DHX33: variants seen among roughly 807,000 people sequenced by gnomAD.
The protein encoded by DHX33 is ATP-dependent RNA helicase DHX33.
DHX33 carries 42 observed loss-of-function variants against 72.5 expected under a neutral mutation model. That is an observed-to-expected ratio of 0.58 (90% CI 0.45 to 0.75). DHX33 has a LOEUF of 0.75. DHX33 is among the 30% of genes least tolerant of loss of function. The pLI, the probability that DHX33 is intolerant of heterozygous loss-of-function variation, is 0.00. For missense variants in DHX33, 842 were observed against 917.5 expected, an observed-to-expected ratio of 0.92 and a Z score of 1.06; for synonymous variants, 358 against 366.1, an observed-to-expected ratio of 0.98 and a Z score of 0.25.
chr17:5,453,943 C>T lies in DHX33; in HGVS notation c.1185G>A (p.Ser395=), dbSNP rs140603023. Residue 395 remains serine (S), a synonymous_variant, in exon 7 of 12, where the codon TCG becomes TCA. Coordinates refer to ENST00000225296, the MANE Select transcript of DHX33 (RefSeq NM_020162.4). The stretch of plus-strand genomic sequence containing the variant: ...CTGTGCGCTGCCAAGCCTGCGTCTT[C>T]GATACCCGCTGCACTGCTAACACCT... ...GLEVLAVQRV[S]KTQAWQRTGR... is the part of the protein sequence containing the mutation. 449 of 1,614,096 alleles carry T rather than the reference C, an allele frequency of 2.8e-4. 3 individuals are homozygous for T. In the African/African-American group the frequency reaches 3.8e-3, roughly 14 times the overall value.
At position 5,443,036 on chromosome 17, in the gene DHX33, A is replaced by G. The variant is rs1342314731; in HGVS notation, c.*1169T>C. 6.6e-6 allele frequency: 1 copy of G among 151,922 alleles called. No homozygotes were observed. The highest frequency in any genetic ancestry group is 6.5e-5 in the Admixed American group (1 of 15,268). 9.4% of individuals were successfully genotyped at this position (151,922 alleles called of 1,614,324 possible). A position where few individuals can be genotyped will look rare whatever the true frequency, so the allele number is the denominator to read the frequency against. ...AAGGAAAAAATATCATAGAAAATTA[A>G]TAAGATGCAAGAATAAGTGTTACAG... On this transcript the variant is annotated 3_prime_UTR_variant, in exon 12 of 12. Transcript: ENST00000225296.
At chr17:5,460,899 T>A in intron 4 of DHX33, 40 bp downstream of exon 4, 3 of 1,584,620 alleles carry the variant, frequency 1.9e-6, no homozygotes, top group Non-Finnish European at 2.6e-6. Context: ...AACTGCAAGA[T>A]AAAAGAGAAC....
chr17:5,465,762 C>T (rs1904854243), intron 1 of DHX33, among the ~76,000 whole-genome samples: 1 of 152,152 alleles, frequency 6.6e-6, no homozygotes, highest in Non-Finnish European at 1.5e-5. Flanking sequence ...CTTGTTTTTG[C>T]AGCCTGTCTC....
At position 5,450,198 on chromosome 17, in the gene DHX33, C is replaced by A. The variant is rs775009395; in HGVS notation, c.1728+5G>T. 1.9e-6 allele frequency: 3 copies of A among 1,613,976 alleles called. No individual in the cohort carries two copies. In the African/African-American group the frequency reaches 4.0e-5, roughly 22 times the overall value. ...GCTGGAGAACAGGTGCAAGACAAGG[C>A]TCACCTTATTTCCGCCTAGGTTTTT... On this transcript the variant is annotated splice_donor_5th_base_variant and intron_variant, in intron 10 of 11. Coordinates refer to ENST00000225296, the MANE Select transcript of DHX33 (RefSeq NM_020162.4).
At chr17:5,456,674 AG>A (rs1463525474) in intron 4 of DHX33, among the ~76,000 whole-genome samples, 2 of 152,250 alleles carry the variant, frequency 1.3e-5, no homozygotes, top group African/African-American at 4.8e-5. Context: ...GGAAATCATC[AG>A]ATTGATTTTT....
Position 5,457,653 on chromosome 17 carries a change from A to T in DHX33, c.850-1471T>A, listed in dbSNP as rs140609478. Among the ~76,000 whole-genome samples, 370 of 151,818 alleles carry T rather than the reference A, an allele frequency of 2.4e-3. 2 individuals carry two copies. The highest frequency in any genetic ancestry group is 3.5e-3 in the South Asian group (17 of 4,824). ...CTAATGGCAAAATAAATAGAAAAAAATTTTAATAATTATATGTATATTTAT... is the reference window on the plus strand; with the variant it reads ...CTAATGGCAAAATAAATAGAAAAAATTTTTAATAATTATATGTATATTTAT... On this transcript the variant is annotated intron_variant, in intron 4 of 11. Transcript: ENST00000225296.
intron 11 of DHX33, among the ~76,000 whole-genome samples, chr17:5,445,572 C>G (rs967537928): frequency 1.3e-5 from 2 of 152,224 alleles, no homozygotes; most frequent in African/African-American, 4.8e-5. Context: ...GGGCATGTAA[C>G]CTACGCCCCT....
Position 5,461,114 on chromosome 17 carries a change from A to T in DHX33, c.679-5T>A. 1 of 1,600,252 alleles carries T rather than the reference A, an allele frequency of 6.2e-7. No homozygotes were observed. Among genetic ancestry groups the T allele is most frequent in the South Asian group, 1.1e-5 (1 of 90,378 alleles). ...CGTAGCTGACATCACAATCACCTGC[A>T]TAAGAGAACGAAGAGGAGGACCAGA... On this transcript the variant is annotated splice_region_variant and splice_polypyrimidine_tract_variant and intron_variant, in intron 3 of 11. Transcript: ENST00000225296.
chr17:5,461,393 G>A (rs1418952062), intron 3 of DHX33: 3 of 189,654 alleles, frequency 1.6e-5, no homozygotes, highest in Non-Finnish European at 3.2e-5. Context: ...GCCGAGGCAG[G>A]CGGATCACGA....
chr17:5,450,207 T>C lies in DHX33; in HGVS notation c.1724A>G (p.Asn575Ser), dbSNP rs762372737. 10 of 1,614,198 alleles carry C rather than the reference T, an allele frequency of 6.2e-6. No homozygotes were observed. The African/African-American group carries it at 1.2e-4, about 19-fold the overall frequency. Residue 575 changes from asparagine to serine, a missense_variant, in exon 10 of 12, where the codon AAT (asparagine) becomes AGT (serine). Coordinates refer to ENST00000225296, the MANE Select transcript of DHX33 (RefSeq NM_020162.4). ...IYRTFKNLGG[N>S]KDWCKENFVN... ...CAGGTGCAAGACAAGGCTCACCTTA[T>C]TTCCGCCTAGGTTTTTGAAGGTCCG... is the stretch of plus-strand genomic sequence containing the variant.
rs559730709 is a variant in DHX33, at chr17:5,444,711, C to T, written c.1816-198G>A. Reference sequence around the variant, plus strand: ...GGAAGAAGGCCCAGCTGGAGGAGCACGGACCAGAAACAGGGAAACTACCGC... The same window carrying T: ...GGAAGAAGGCCCAGCTGGAGGAGCATGGACCAGAAACAGGGAAACTACCGC... On this transcript the variant is annotated intron_variant, in intron 11 of 11. Coordinates refer to ENST00000225296, the MANE Select transcript of DHX33 (RefSeq NM_020162.4). The surrounding 1 kb of genome is among the most constrained non-coding windows in gnomAD (Gnocchi z 4.9). Among the ~76,000 whole-genome samples the T allele has an allele frequency of 3.0e-4, 45 of 152,214 alleles. No individual in the cohort carries two copies. The highest frequency in any genetic ancestry group is 9.6e-4 in the African/African-American group (40 of 41,518).
intron 6 of DHX33, among the ~76,000 whole-genome samples, chr17:5,454,637 T>A (rs1347674324): frequency 6.6e-6 from 1 of 152,136 alleles, no homozygotes; most frequent in Non-Finnish European, 1.5e-5. Context: ...TTGGGAGCAA[T>A]AATTTCAGTG....
intron 6 of DHX33, 64 bp from the exon 7 acceptor site, chr17:5,454,044 T>C: frequency 6.4e-7 from 1 of 1,567,374 alleles, no homozygotes; most frequent in Non-Finnish European, 8.6e-7. Context: ...ACAGTGTCGA[T>C]AAAAAGAAGC....
rs964874650 is a variant in DHX33, at chr17:5,444,653, C to T, written c.1816-140G>A. The T allele has an allele frequency of 5.9e-5, 53 of 903,380 alleles. No homozygotes were observed. Among genetic ancestry groups the T allele is most frequent in the Non-Finnish European group, 6.8e-5 (41 of 606,478 alleles). 56.0% of individuals were successfully genotyped at this position (903,380 alleles called of 1,614,324 possible). ...GCCTAACGATGTGGATTCTGACATT[C>T]GGAGGTGGTCACCAAGGATCAGCAA... On this transcript the variant is annotated intron_variant, in intron 11 of 11. Coordinates refer to ENST00000225296, the MANE Select transcript of DHX33 (RefSeq NM_020162.4). The surrounding 1 kb of genome is among the most constrained non-coding windows in gnomAD (Gnocchi z 4.9).
chr17:5,454,059 CAGTGG>C, intron 6 of DHX33, 79 bp from the exon 7 acceptor site: 1 of 1,510,582 alleles, frequency 6.6e-7, no homozygotes, highest in Non-Finnish European at 9.0e-7. Flanking sequence ...AGAAGCACAC[CAGTGG>C]TTCTTTCAGC....
Position 5,462,385 on chromosome 17 carries a change from A to G in DHX33, c.612T>C (p.Asp204=). 2 of 1,614,232 alleles carry G rather than the reference A, an allele frequency of 1.2e-6. No homozygotes were observed. Among genetic ancestry groups the G allele is most frequent in the Non-Finnish European group, 8.5e-7 (1 of 1,180,034 alleles). Residue 204 remains aspartate (D), a synonymous_variant, in exon 3 of 12, where the codon GAT becomes GAC. Coordinates refer to ENST00000225296, the MANE Select transcript of DHX33 (RefSeq NM_020162.4). ...CAGCTTTCACCACTCCAAAGAGCACATCTGTGTGGATAGTCCGTTCGTGAG... is the reference window on the plus strand; with the variant it reads ...CAGCTTTCACCACTCCAAAGAGCACGTCTGTGTGGATAGTCCGTTCGTGAG... The part of the protein sequence containing the change: ...DEAHERTIHT[D]VLFGVVKAAQ...
At position 5,468,831 on chromosome 17, in the gene DHX33, G is replaced by A; in HGVS notation, c.29C>T (p.Ala10Val). MPEEAGFPPAKRFRPGSGPP... is the reference protein window; with the variant it reads MPEEAGFPPVKRFRPGSGPP... The stretch of plus-strand genomic sequence containing the variant: ...TCCAGAGCCTGGCCGGAATCTCTTG[G>A]CCGGCGGGAAGCCCGCCTCCTCCGG... The change falls in exon 1 of 12, where the codon GCC becomes GTC. Residue 10 changes from alanine to valine, a missense_variant. Ala to Val is a moderately conservative substitution (Grantham distance 64). Transcript: ENST00000225296. 6.4e-7 allele frequency: 1 copy of A among 1,569,378 alleles called. No homozygotes were observed.
intron 11 of DHX33, among the ~76,000 whole-genome samples, chr17:5,446,598 T>C (rs970398355): frequency 1.4e-4 from 22 of 152,256 alleles, no homozygotes; most frequent in African/African-American, 4.8e-4. Context: ...AGAACAGTGC[T>C]GAACAAACAC....
rs768113623 is a variant in DHX33 at position 5,450,286 on chromosome 17, G to C, written c.1645C>G (p.Arg549Gly). 6.2e-7 allele frequency: 1 copy of C among 1,614,158 alleles called. No individual in the cohort carries two copies. The highest frequency in any genetic ancestry group is 1.1e-5 in the South Asian group (1 of 91,086). The change falls in exon 10 of 12, where the codon CGC becomes GGC. Residue 549 changes from arginine (R) to glycine (G), a missense_variant. By Grantham distance (125) the Arg-to-Gly change is moderately radical. Transcript: ENST00000225296. ...PSRREEVQGV[R>G]KKFISSEGDH... ...CCCTCGCTGGATATGAACTTCTTGC[G>C]GACCCCTTGCACTTCCTCTCGCCGG...
Sources: allele counts gnomAD v4.1 joint callset (sites outside exome capture counted in the v4.1 genomes callset), GRCh38; gene constraint gnomAD v4.1.1; non-coding constraint Gnocchi (gnomAD v3.1); transcripts MANE v1.5; gene names NCBI Gene and HGNC (gene_info 2026-07-23, HGNC 2026-07-21).